PCCA: variants seen among roughly 807,000 people sequenced by gnomAD.
The protein encoded by PCCA is propionyl-CoA carboxylase alpha chain, mitochondrial.
PCCA carries 74 observed loss-of-function variants against 101.3 expected under a neutral mutation model. The observed-to-expected ratio is 0.73, with a 90% CI of 0.61 to 0.89. The LOEUF is 0.89. PCCA is among the 40% of genes least tolerant of loss of function. The pLI is 0.00. For missense variants in PCCA, 891 were observed against 907.0 expected, an observed-to-expected ratio of 0.98 and a Z score of 0.23; for synonymous variants, 294 against 313.6, an observed-to-expected ratio of 0.94 and a Z score of 0.66.
At chr13:100,366,686 T>C (rs990941213) in intron 18 of PCCA, among the ~76,000 whole-genome samples, 2 of 152,102 alleles carry the variant, frequency 1.3e-5, no homozygotes, top group Non-Finnish European at 2.9e-5. Context: ...CCCCCATTCA[T>C]TCATACTCTT....
intron 16 of PCCA, among the ~76,000 whole-genome samples, chr13:100,323,812 C>G (rs911395918): frequency 6.6e-6 from 1 of 152,052 alleles, no homozygotes; most frequent in African/African-American, 2.4e-5. Context: ...TCATTTATAC[C>G]TGATAACAAT....
intron 21 of PCCA, among the ~76,000 whole-genome samples, chr13:100,488,245 C>T (rs905676586): frequency 6.6e-6 from 1 of 152,140 alleles, no homozygotes; most frequent in Non-Finnish European, 1.5e-5. Flanking sequence ...AGGCATGCGC[C>T]ACCATGCACG....
intron 1 of PCCA, among the ~76,000 whole-genome samples, chr13:100,094,097 G>C (rs146749843): frequency 0.037 from 5,618 of 151,442 alleles, 345 homozygotes; most frequent in African/African-American, 0.13. Context: ...GCATGGTGGC[G>C]CATGCCTGTA....
At chr13:100,384,027 ATTTTT>A (rs11301747) in intron 19 of PCCA, among the ~76,000 whole-genome samples, 1 of 134,826 alleles carries the variant, frequency 7.4e-6, no homozygotes, top group Non-Finnish European at 1.6e-5. Flanking sequence ...TGAAAGTTTG[ATTTTT>A]TTTTTTTTTT....
chr13:100,186,753 A>AAAAAAAAAAAAAC (rs1566661746), intron 6 of PCCA, among the ~76,000 whole-genome samples: 2 of 150,172 alleles, frequency 1.3e-5, no homozygotes, highest in African/African-American at 5.0e-5. Flanking sequence ...AAAAAACAAA[A>AAAAAAAAAAAAAC]AAAAAAAGAA....
intron 21 of PCCA, among the ~76,000 whole-genome samples, chr13:100,514,447 A>G (rs1188374293): frequency 1.3e-5 from 2 of 152,174 alleles, no homozygotes; most frequent in Non-Finnish European, 2.9e-5. Flanking sequence ...AATGAAATGG[A>G]GCTGTCTCAC....
chr13:100,184,359 A>G (rs2057062774), intron 6 of PCCA, among the ~76,000 whole-genome samples: 1 of 152,180 alleles, frequency 6.6e-6, no homozygotes, highest in Non-Finnish European at 1.5e-5. Context: ...TGAATAAGAG[A>G]TGGGTTATTT....
intron 6 of PCCA, among the ~76,000 whole-genome samples, chr13:100,199,164 A>G (rs2152460444): frequency 6.6e-6 from 1 of 152,260 alleles, no homozygotes; most frequent in South Asian, 2.1e-4. Context: ...CTATTTTGAA[A>G]TCATGAAATA....
At chr13:100,222,781 AAGT>A (rs1487213549) in intron 7 of PCCA, among the ~76,000 whole-genome samples, 1 of 152,134 alleles carries the variant, frequency 6.6e-6, no homozygotes, top group East Asian at 1.9e-4. Flanking sequence ...TTTTTTCCCC[AAGT>A]AGTTTCCACC....
At chr13:100,467,520 G>A (rs578257314) in intron 21 of PCCA, among the ~76,000 whole-genome samples, 62 of 152,242 alleles carry the variant, frequency 4.1e-4, no homozygotes, top group Non-Finnish European at 6.9e-4. Flanking sequence ...ACAGGTGCCC[G>A]CCACCATTCC....
At chr13:100,454,338 C>G (rs907009879) in intron 21 of PCCA, among the ~76,000 whole-genome samples, 4 of 152,174 alleles carry the variant, frequency 2.6e-5, no homozygotes, top group African/African-American at 9.7e-5. Flanking sequence ...TTTCTAATTA[C>G]TGTAAAATTC....
At chr13:100,273,436 T>TTATAA in intron 12 of PCCA, 90 bp downstream of exon 12, 1 of 1,017,098 alleles carries the variant, frequency 9.8e-7, no homozygotes, top group East Asian at 2.4e-5. Flanking sequence ...GTTAAAAAAT[T>TTATAA]AACTCCATAA....
chr13:100,388,235 G>A (rs1054339672), intron 19 of PCCA, among the ~76,000 whole-genome samples: 3 of 152,258 alleles, frequency 2.0e-5, no homozygotes, highest in African/African-American at 7.2e-5. Flanking sequence ...TTAAGAGGCT[G>A]AGGCAGGAGG....
At chr13:100,306,469 A>G (rs1368102908) in intron 14 of PCCA, among the ~76,000 whole-genome samples, 1 of 152,202 alleles carries the variant, frequency 6.6e-6, no homozygotes, top group Non-Finnish European at 1.5e-5. Flanking sequence ...TGCATGGCTA[A>G]CCTCCGTGCC....
intron 12 of PCCA, among the ~76,000 whole-genome samples, chr13:100,301,045 C>G (rs1033353283): frequency 6.6e-6 from 1 of 152,188 alleles, no homozygotes; most frequent in Non-Finnish European, 1.5e-5. Context: ...TTAGGGTGGA[C>G]TAGTGCTTTG....
At chr13:100,395,822 C>G (rs893984803) in intron 19 of PCCA, among the ~76,000 whole-genome samples, 19 of 152,144 alleles carry the variant, frequency 1.2e-4, no homozygotes, top group Admixed American at 6.5e-4. Context: ...TGCAAGACAA[C>G]TTGTTAGGGA....
rs58784369 is a variant in PCCA at position 100,234,915 on chromosome 13, C to CACA, written c.601-927_601-926insACA. On this transcript the variant is annotated intron_variant, in intron 7 of 23. Transcript: ENST00000376285. ...CAAACACACACACACACACACACAC[C>CACA]CCACACATACCCACACACACGAAGG... Among the ~76,000 whole-genome samples the CACA allele has an allele frequency of 6.9e-3, 1,042 of 150,408 alleles. 12 individuals carry two copies. The highest frequency in any genetic ancestry group is 0.023 in the African/African-American group (932 of 40,722).
chr13:100,322,677 C>T (rs183298626), intron 16 of PCCA, among the ~76,000 whole-genome samples: 14 of 151,908 alleles, frequency 9.2e-5, no homozygotes, highest in Non-Finnish European at 2.1e-4. Context: ...CTCAAGTGAT[C>T]TTCCTGCCTC....
Position 100,089,144 on chromosome 13 carries a change from A to C in PCCA, c.24A>C (p.Thr8=). 1 of 1,522,960 alleles carries C rather than the reference A, an allele frequency of 6.6e-7. No homozygotes were observed. Among genetic ancestry groups the C allele is most frequent in the Non-Finnish European group, 8.8e-7 (1 of 1,135,818 alleles). 94.3% of individuals were successfully genotyped at this position (1,522,960 alleles called of 1,614,324 possible). Residue 8 remains threonine, a synonymous_variant, in exon 1 of 24, where the codon ACA becomes ACC. Coordinates refer to ENST00000376285, the MANE Select transcript of PCCA (RefSeq NM_000282.4). MAGFWVG[T]APLVAAGRRG... ...CAATGGCGGGGTTCTGGGTCGGGAC[A>C]GCACCGCTGGTCGCTGCCGGACGGC... is the stretch of plus-strand genomic sequence containing the variant.
Sources: gnomAD v4.1 joint callset for allele counts (sites outside exome capture counted in the v4.1 genomes callset) on GRCh38, gnomAD v4.1.1 for gene constraint, MANE v1.5 for transcripts, NCBI Gene and HGNC (gene_info 2026-07-23, HGNC 2026-07-21) for gene names.